The following FBRSL1 variants were observed in gnomAD, a reference collection of about 807,000 sequenced individuals.
FBRSL1 encodes fibrosin-1-like protein.
FBRSL1 carries 51 observed loss-of-function variants against 89.6 expected under a neutral mutation model. That is an observed-to-expected ratio of 0.57 (90% CI 0.45 to 0.72). The LOEUF is 0.72. Among genes scored for constraint, FBRSL1 ranks in the 30% least tolerant of loss-of-function variants. The probability of loss-of-function intolerance (pLI) is 0.00; values close to 1 mark genes in which losing one functional copy is unlikely to be tolerated. For synonymous variants in FBRSL1, 779 were observed against 681.1 expected (o/e 1.14, Z -2.24); for missense variants, 1,618 against 1,451.8 (o/e 1.11, Z -1.86).
At chr12:132,502,142 A>C (rs1035755866) in intron 1 of FBRSL1, among the ~76,000 whole-genome samples, 3 of 152,198 alleles carry the variant, frequency 2.0e-5, no homozygotes, top group Non-Finnish European at 4.4e-5. Context: ...TCATGCCCCA[A>C]CCTGCGGCAG....
chr12:132,578,716 G>A lies in FBRSL1; in HGVS notation c.1834+1785G>A, dbSNP rs369843197. On this transcript the variant is annotated intron_variant, in intron 15 of 18. Transcript: ENST00000680143. ...CCCTTCCTCAGAGCTCCCAACCCCC[G>A]CTGCAGCCCCCCCTCACTCTCCCCT... Among the ~76,000 whole-genome samples the A allele has an allele frequency of 3.8e-3, 165 of 43,162 alleles. 1 individual carries two copies. Among genetic ancestry groups the A allele is most frequent in the African/African-American group, 0.018 (150 of 8,406 alleles). The allele number at this position is 43,162 out of a possible 152,430, so 28.3% of individuals were successfully genotyped here.
intron 9 of FBRSL1, chr12:132,571,947 A>C: frequency 5.1e-6 from 2 of 394,086 alleles, no homozygotes; most frequent in Admixed American, 4.3e-5. Context: ...TTTATTCGGA[A>C]ACTGGCCAGT....
intron 5 of FBRSL1, among the ~76,000 whole-genome samples, chr12:132,549,207 G>C (rs926646379): frequency 5.9e-5 from 9 of 152,226 alleles, no homozygotes; most frequent in African/African-American, 2.2e-4. Flanking sequence ...GTGGGCCGCA[G>C]TGCCGGGCTC....
At position 132,581,823 on chromosome 12, in the gene FBRSL1, G is replaced by A. The variant is rs1236455509; in HGVS notation, c.1995G>A (p.Leu665=). The stretch of plus-strand genomic sequence containing the variant: ...TTGGGGGCCTGGGCAGCCATGCACT[G>A]GGTGAGTGACCCAGCCTGTGCCCCC... ...HAFGGLGSHA[L]APGGSIFAPK... Residue 665 remains leucine (L), a splice_region_variant and synonymous_variant, in exon 17 of 19, where the codon CTG becomes CTA. Coordinates refer to ENST00000680143, the MANE Select transcript of FBRSL1 (RefSeq NM_001367871.1). The A allele has an allele frequency of 6.5e-7, 1 of 1,544,230 alleles. No individual in the cohort carries two copies. Among genetic ancestry groups the A allele is most frequent in the Non-Finnish European group, 8.7e-7 (1 of 1,143,744 alleles).
chr12:132,562,889 C>G (rs527297517), intron 5 of FBRSL1, among the ~76,000 whole-genome samples: 1 of 152,084 alleles, frequency 6.6e-6, no homozygotes, highest in South Asian at 2.1e-4. Flanking sequence ...TTCTCTGATA[C>G]GTTGATGGTT....
At chr12:132,572,846 C>G (rs926582380) in intron 11 of FBRSL1, among the ~76,000 whole-genome samples, 3 of 152,208 alleles carry the variant, frequency 2.0e-5, no homozygotes, top group African/African-American at 7.2e-5. Flanking sequence ...CTGGGAGCAG[C>G]CCTGGGAGGT....
At chr12:132,564,915 C>CACTGT (rs1566213248) in intron 5 of FBRSL1, among the ~76,000 whole-genome samples, 2 of 146,122 alleles carry the variant, frequency 1.4e-5, no homozygotes, top group African/African-American at 5.6e-5. Flanking sequence ...AGGCGTGAGC[C>CACTGT]GCGGCCGGCC....
In FBRSL1 at chr12:132,572,561, T is replaced by G. The variant is rs2040106574; in HGVS notation, c.1469T>G (p.Leu490Arg). The part of the protein sequence containing the change: ...FPSFPPAIPG[L>R]PTLLPHPGPF... ...TCCTTCCCTCCTGCCATCCCGGGAC[T>G]GCCCACCCTGCTCCCACACCCCGGC... The change falls in exon 11 of 19, where the codon CTG becomes CGG. Residue 490 changes from leucine (L) to arginine (R), a missense_variant. By Grantham distance (102) the Leu-to-Arg change is moderately radical. Coordinates refer to ENST00000680143, the MANE Select transcript of FBRSL1 (RefSeq NM_001367871.1). The G allele has an allele frequency of 1.3e-6, 2 of 1,551,300 alleles. No homozygotes were observed. The highest frequency in any genetic ancestry group is 1.7e-6 in the Non-Finnish European group (2 of 1,146,852).
In FBRSL1 at chr12:132,490,259, C is replaced by G. The variant is rs1189497929; in HGVS notation, c.-312C>G. ...CCGCGCCCGCCCGGCCCCGCCCGCT[C>G]GGCCCGATCGCCGCGCCGCGCGCAT... On this transcript the variant is annotated 5_prime_UTR_variant, in exon 1 of 19. Transcript: ENST00000680143. The G allele has an allele frequency of 7.0e-6, 1 of 142,500 alleles. No homozygotes were observed. The highest frequency in any genetic ancestry group is 2.1e-4 in the East Asian group (1 of 4,654). 8.8% of individuals were successfully genotyped at this position (142,500 alleles called of 1,614,324 possible). A position where few individuals can be genotyped will look rare whatever the true frequency, so the allele number is the denominator to read the frequency against.
intron 17 of FBRSL1, 69 bp from the exon 18 acceptor site, chr12:132,581,993 C>T (rs949440512): frequency 3.6e-6 from 5 of 1,393,420 alleles, no homozygotes; most frequent in Non-Finnish European, 4.9e-6. Context: ...AAACCCCTAC[C>T]GGGTTCTCCT....
At chr12:132,501,390 G>A (rs2032935169) in intron 1 of FBRSL1, among the ~76,000 whole-genome samples, 1 of 152,208 alleles carries the variant, frequency 6.6e-6, no homozygotes, top group Non-Finnish European at 1.5e-5. Context: ...GGCTGAGGAA[G>A]AGGCTCTGTG....
At position 132,570,394 on chromosome 12, in the gene FBRSL1, C is replaced by T. The variant is rs936298437; in HGVS notation, c.1067C>T (p.Pro356Leu). The change falls in exon 8 of 19, where the codon CCG (proline) becomes CTG (leucine). Residue 356 changes from proline to leucine, a missense_variant. Transcript: ENST00000680143. ...CACGTGTCGCTGTCGCCACACGGGC[C>T]GGGCCCCCACCTGTCTACCTCACAC... is the stretch of plus-strand genomic sequence containing the variant. ...GKHVSLSPHG[P>L]GPHLSTSHLA... The T allele has an allele frequency of 1.6e-5, 24 of 1,534,432 alleles. No individual in the cohort carries two copies. The highest frequency in any genetic ancestry group is 4.1e-5 in the African/African-American group (3 of 72,722).
At chr12:132,552,781 C>A (rs540759689) in intron 5 of FBRSL1, 2 of 156,810 alleles carry the variant, frequency 1.3e-5, no homozygotes, top group South Asian at 1.6e-4. Context: ...GGATGGACGG[C>A]TGGACAGGCT....
chr12:132,514,372 C>G (rs2034641983), intron 2 of FBRSL1, among the ~76,000 whole-genome samples: 1 of 152,214 alleles, frequency 6.6e-6, no homozygotes, highest in South Asian at 2.1e-4. Flanking sequence ...CAGGATCTCT[C>G]TGGCCTCCCT....
At chr12:132,527,912 G>C (rs1386049738) in intron 3 of FBRSL1, 41 bp from the exon 4 acceptor site, 1 of 1,548,880 alleles carries the variant, frequency 6.5e-7, no homozygotes, top group Admixed American at 2.0e-5. Context: ...AGTTTGTTCC[G>C]AGTGGCAGCC....
At chr12:132,513,220 T>C (rs1299049850) in intron 2 of FBRSL1, among the ~76,000 whole-genome samples, 1 of 152,228 alleles carries the variant, frequency 6.6e-6, no homozygotes, top group East Asian at 1.9e-4. Context: ...CTGCGAGGCC[T>C]CCGGCAAGTG....
At chr12:132,575,658 T>C (rs959000553) in intron 14 of FBRSL1, among the ~76,000 whole-genome samples, 5 of 152,250 alleles carry the variant, frequency 3.3e-5, no homozygotes, top group Non-Finnish European at 7.3e-5. Context: ...GTTTTGTCCT[T>C]GGAACTCGGG....
intron 15 of FBRSL1, among the ~76,000 whole-genome samples, chr12:132,579,979 C>CT (rs2040632016): frequency 3.3e-5 from 5 of 152,178 alleles, no homozygotes; most frequent in Admixed American, 3.3e-4. Context: ...GGTGTCCATC[C>CT]GTCACGCCTG....
chr12:132,523,676 T>C (rs988710621), intron 2 of FBRSL1, among the ~76,000 whole-genome samples: 1 of 152,214 alleles, frequency 6.6e-6, no homozygotes, highest in Non-Finnish European at 1.5e-5. Context: ...GGTACTGCCC[T>C]GAGCCTCTGT....
Sources: allele counts gnomAD v4.1 joint callset (sites outside exome capture counted in the v4.1 genomes callset), GRCh38; gene constraint gnomAD v4.1.1; transcripts MANE v1.5; gene names NCBI Gene and HGNC (gene_info 2026-07-23, HGNC 2026-07-21).